EDIL3: variants seen among roughly 807,000 people sequenced by gnomAD.
EDIL3 encodes the protein EGF like and discoidin domains 3.
Under a neutral mutation model 67.4 loss-of-function variants are expected in EDIL3, and 37 were observed. The observed-to-expected ratio is 0.55, with a 90% CI of 0.42 to 0.72. The LOEUF is 0.72. Ranked by LOEUF, EDIL3 falls within the 30% of genes least tolerant of loss-of-function variation. The pLI, the probability that EDIL3 is intolerant of heterozygous loss-of-function variation, is 0.00. For missense variants in EDIL3, 527 were observed against 586.3 expected (o/e 0.90, Z 1.04); for synonymous variants, 195 against 196.3 (o/e 0.99, Z 0.05).
intron 6 of EDIL3, among the ~76,000 whole-genome samples, chr5:84,072,447 A>G (rs115903794): frequency 0.011 from 1,719 of 152,272 alleles, 46 homozygotes; most frequent in African/African-American, 0.039. Context: ...AAAATGTTGG[A>G]CTACACAATA....
intron 4 of EDIL3, among the ~76,000 whole-genome samples, chr5:84,174,921 T>A (rs1748875948): frequency 6.6e-6 from 1 of 152,108 alleles, no homozygotes; most frequent in Non-Finnish European, 1.5e-5. Context: ...ACGATAAAAA[T>A]GTTAGGGCCA....
intron 1 of EDIL3, among the ~76,000 whole-genome samples, chr5:84,358,133 T>G (rs1185037020): frequency 1.3e-5 from 2 of 152,160 alleles, no homozygotes; most frequent in Admixed American, 1.3e-4. Flanking sequence ...TTTGTAGGTT[T>G]AGAGGGTCAG....
chr5:84,236,718 T>C (rs1357496933), intron 2 of EDIL3, among the ~76,000 whole-genome samples: 1 of 152,076 alleles, frequency 6.6e-6, no homozygotes, highest in African/African-American at 2.4e-5. Context: ...TAAATATTTT[T>C]GGAAAGTTGT....
chr5:84,172,149 C>A (rs147536724), intron 4 of EDIL3, among the ~76,000 whole-genome samples: 1 of 152,228 alleles, frequency 6.6e-6, no homozygotes, highest in African/African-American at 2.4e-5. Flanking sequence ...GAAAATTTCT[C>A]GATTCTAGTC....
chr5:84,278,300 G>A (rs190782004), intron 1 of EDIL3, among the ~76,000 whole-genome samples: 30 of 152,132 alleles, frequency 2.0e-4, no homozygotes, highest in African/African-American at 5.3e-4. Context: ...TCCAAATTAC[G>A]TCATCTGTAA....
At chr5:84,059,414 G>A (rs916689679) in intron 9 of EDIL3, among the ~76,000 whole-genome samples, 1 of 152,060 alleles carries the variant, frequency 6.6e-6, no homozygotes, top group Non-Finnish European at 1.5e-5. Flanking sequence ...AAAAGGAGAG[G>A]AGTGGAGCAG....
chr5:84,152,445 T>C, intron 4 of EDIL3, among the ~76,000 whole-genome samples: 1 of 152,162 alleles, frequency 6.6e-6, no homozygotes, highest in East Asian at 1.9e-4. Flanking sequence ...AACAAGTGCT[T>C]AGATAAATGG....
chr5:83,991,595 T>C (rs1745151604), intron 9 of EDIL3, among the ~76,000 whole-genome samples: 1 of 152,144 alleles, frequency 6.6e-6, no homozygotes, highest in Non-Finnish European at 1.5e-5. Context: ...AAATTAGTCT[T>C]GGCCATAATT....
At chr5:84,108,312 G>C (rs2112285171) in intron 5 of EDIL3, among the ~76,000 whole-genome samples, 1 of 151,998 alleles carries the variant, frequency 6.6e-6, no homozygotes, top group South Asian at 2.1e-4. Flanking sequence ...ATATGGATAA[G>C]TAATCATCTT....
rs935742095 is a variant in EDIL3 at position 84,312,005 on chromosome 5, C to T, written c.68-57793G>A. Among the ~76,000 whole-genome samples, 102 of 152,296 alleles carry T rather than the reference C, an allele frequency of 6.7e-4. 1 individual carries two copies. Among genetic ancestry groups the T allele is most frequent in the Middle Eastern group, 3.4e-3 (1 of 290 alleles). ...CCATCCGATTTCTCAATCCTTTCCC[C>T]GCCTTTCCCCACTTTCTATTCCACA... is the stretch of plus-strand genomic sequence containing the variant. On this transcript the variant is annotated intron_variant, in intron 1 of 10. Transcript: ENST00000296591.
At chr5:84,104,473 A>G (rs1024475247) in intron 6 of EDIL3, among the ~76,000 whole-genome samples, 1 of 151,996 alleles carries the variant, frequency 6.6e-6, no homozygotes, top group Non-Finnish European at 1.5e-5. Flanking sequence ...TATAAAATGA[A>G]TACATTGAAT....
chr5:83,965,724 A>T (rs949470672), intron 9 of EDIL3, among the ~76,000 whole-genome samples: 2 of 151,810 alleles, frequency 1.3e-5, no homozygotes, highest in Non-Finnish European at 2.9e-5. Flanking sequence ...TTTCCAACAG[A>T]TACGTTTTTC....
chr5:83,944,742 GCTTT>G (rs1400201220), intron 10 of EDIL3, among the ~76,000 whole-genome samples: 1 of 151,346 alleles, frequency 6.6e-6, no homozygotes, highest in African/African-American at 2.4e-5. Context: ...TCTCTTCAAC[GCTTT>G]CTGTTTTTGC....
chr5:84,172,384 C>A (rs1333711021), intron 4 of EDIL3, among the ~76,000 whole-genome samples: 4 of 152,070 alleles, frequency 2.6e-5, no homozygotes, highest in Admixed American at 2.6e-4. Flanking sequence ...GATCTCAAGA[C>A]CAGCCTGAGC....
intron 9 of EDIL3, among the ~76,000 whole-genome samples, chr5:84,059,791 C>A (rs1268144647): frequency 6.6e-6 from 1 of 152,168 alleles, no homozygotes; most frequent in Non-Finnish European, 1.5e-5. Flanking sequence ...AAATGATAAA[C>A]TCTGCAGTAT....
At chr5:84,382,887 G>C (rs1748118166) in intron 1 of EDIL3, among the ~76,000 whole-genome samples, 1 of 152,166 alleles carries the variant, frequency 6.6e-6, no homozygotes, top group African/African-American at 2.4e-5. Flanking sequence ...GGGGGACGGA[G>C]GGAGGCCCAG....
intron 1 of EDIL3, among the ~76,000 whole-genome samples, chr5:84,302,486 C>T (rs924047545): frequency 1.1e-4 from 16 of 152,030 alleles, no homozygotes; most frequent in Non-Finnish European, 1.6e-4. Context: ...TTAGTAAAGA[C>T]GGGGTTTCAC....
In EDIL3 at chr5:83,943,206, A is replaced by T. The variant is rs1021438198; in HGVS notation, c.*213T>A. The T allele has an allele frequency of 5.4e-6, 3 of 553,830 alleles. No homozygotes were observed. The highest frequency in any genetic ancestry group is 9.4e-6 in the Non-Finnish European group (3 of 320,800). 34.3% of individuals were successfully genotyped at this position (553,830 alleles called of 1,614,324 possible). A position where few individuals can be genotyped will look rare whatever the true frequency, so the allele number is the denominator to read the frequency against. On this transcript the variant is annotated 3_prime_UTR_variant, in exon 11 of 11. Coordinates refer to ENST00000296591, the MANE Select transcript of EDIL3 (RefSeq NM_005711.5). ...TTCACACTTAATGTGTTGTTACTTAAGAGATTTGACGGATAAAATAAAATC... is the reference window on the plus strand; with the variant it reads ...TTCACACTTAATGTGTTGTTACTTATGAGATTTGACGGATAAAATAAAATC...
At chr5:84,224,020 T>C (rs928341203) in intron 3 of EDIL3, among the ~76,000 whole-genome samples, 11 of 151,316 alleles carry the variant, frequency 7.3e-5, no homozygotes, top group Non-Finnish European at 1.6e-4. Context: ...GTTCCACTTG[T>C]AGTATTAAAA....
Sources: allele counts gnomAD v4.1 joint callset (sites outside exome capture counted in the v4.1 genomes callset), GRCh38; gene constraint gnomAD v4.1.1; transcripts MANE v1.5; gene names NCBI Gene and HGNC (gene_info 2026-07-23, HGNC 2026-07-21).